Variants in ZEB1 observed in about 807,000 individuals in gnomAD.
The protein encoded by ZEB1 is zinc finger E-box-binding homeobox 1.
A neutral mutation model predicts 84.9 loss-of-function variants in ZEB1; 21 were observed. The observed-to-expected ratio is 0.25, with a 90% CI of 0.18 to 0.36. ZEB1 has a LOEUF of 0.36. ZEB1 is among the 10% of genes least tolerant of loss of function. The pLI is 1.00. For synonymous variants in ZEB1, 420 were observed against 471.1 expected, an observed-to-expected ratio of 0.89 and a Z score of 1.41; for missense variants, 1,104 against 1,330.2, an observed-to-expected ratio of 0.83 and a Z score of 2.65.
At chr10:31,337,771 C>A (rs950454780) in intron 1 of ZEB1, among the ~76,000 whole-genome samples, 1 of 150,034 alleles carries the variant, frequency 6.7e-6, no homozygotes, top group Admixed American at 6.6e-5. Context: ...CTGCTGCCTC[C>A]GTCTCCCCGG....
At chr10:31,359,692 A>T (rs1011898191) in intron 1 of ZEB1, among the ~76,000 whole-genome samples, 2 of 152,226 alleles carry the variant, frequency 1.3e-5, no homozygotes, top group African/African-American at 2.4e-5. Flanking sequence ...ATGATACCAT[A>T]GATACTTCCT....
chr10:31,365,865 T>C (rs1452195045), intron 1 of ZEB1, among the ~76,000 whole-genome samples: 1 of 152,242 alleles, frequency 6.6e-6, no homozygotes, highest in African/African-American at 2.4e-5. Context: ...ATTTGTATGC[T>C]CTACTGAATA....
chr10:31,363,042 C>A (rs769030135), intron 1 of ZEB1: 8 of 1,533,592 alleles, frequency 5.2e-6, no homozygotes, highest in South Asian at 1.2e-5. Flanking sequence ...GGGGAGGGGT[C>A]GGTTGCAGCT....
chr10:31,448,855 G>C (rs1259753502), intron 1 of ZEB1, among the ~76,000 whole-genome samples: 2 of 152,188 alleles, frequency 1.3e-5, no homozygotes, highest in African/African-American at 2.4e-5. Flanking sequence ...AGAGGTTACT[G>C]CTGTCTTTTT....
intron 1 of ZEB1, among the ~76,000 whole-genome samples, chr10:31,440,233 A>G (rs2058760497): frequency 6.6e-6 from 1 of 152,214 alleles, no homozygotes; most frequent in South Asian, 2.1e-4. Flanking sequence ...CTGAGAGACC[A>G]GGAATTGTAT....
chr10:31,383,791 A>T (rs926869646), intron 1 of ZEB1, among the ~76,000 whole-genome samples: 2 of 152,124 alleles, frequency 1.3e-5, no homozygotes, highest in Admixed American at 1.3e-4. Flanking sequence ...CAAAAGTTCT[A>T]TTGTACAGTG....
intron 1 of ZEB1, among the ~76,000 whole-genome samples, chr10:31,400,660 A>G (rs967436981): frequency 3.3e-5 from 5 of 152,142 alleles, no homozygotes; most frequent in African/African-American, 1.2e-4. Flanking sequence ...AATAATTTAA[A>G]TTTCCAGAAG....
chr10:31,424,344 G>A (rs941852161), intron 1 of ZEB1, among the ~76,000 whole-genome samples: 4 of 151,858 alleles, frequency 2.6e-5, no homozygotes, highest in Non-Finnish European at 4.4e-5. Context: ...ATAATGCCCA[G>A]AGGCTTAGTA....
chr10:31,520,309 G>T lies in ZEB1; in HGVS notation c.977G>T (p.Arg326Leu). ...SLSASPGSPTRPQIRQKIENK... is the reference protein window; with the variant it reads ...SLSASPGSPTLPQIRQKIENK... ...TCAGCATCACCAGGCAGTCCCACACGACCACAGATACGGCAAAAGATAGAG... is the reference window on the plus strand; with the variant it reads ...TCAGCATCACCAGGCAGTCCCACACTACCACAGATACGGCAAAAGATAGAG... Residue 326 changes from arginine to leucine, a missense_variant, in exon 7 of 9, where the codon CGA becomes CTA. Arg to Leu is a moderately radical substitution (Grantham distance 102). Transcript: ENST00000424869. This position sits in a 1 kb window ranked among gnomAD's most constrained non-coding sequence, Gnocchi z 5.1. 6.2e-7 allele frequency: 1 copy of T among 1,613,842 alleles called. No homozygotes were observed. The highest frequency in any genetic ancestry group is 8.5e-7 in the Non-Finnish European group (1 of 1,179,908).
At chr10:31,365,354 G>A (rs2044254330) in intron 1 of ZEB1, among the ~76,000 whole-genome samples, 1 of 152,138 alleles carries the variant, frequency 6.6e-6, no homozygotes, top group Non-Finnish European at 1.5e-5. Context: ...ACTCTTGGGT[G>A]TCTGGACTAG....
intron 1 of ZEB1, chr10:31,319,833 G>T (rs553370315): frequency 2.7e-4 from 40 of 148,832 alleles, no homozygotes; most frequent in Admixed American, 2.1e-3. Context: ...GCCCCGGCCG[G>T]CGCCGTCGCT....
chr10:31,485,715 A>T (rs896600267), intron 2 of ZEB1, among the ~76,000 whole-genome samples: 1 of 151,762 alleles, frequency 6.6e-6, no homozygotes. Flanking sequence ...ACCTCAGGAA[A>T]TATTTTTTTA....
chr10:31,524,144 C>T (rs2072929197), intron 8 of ZEB1, 31 bp downstream of exon 8: 1 of 1,601,702 alleles, frequency 6.2e-7, no homozygotes, highest in African/African-American at 1.3e-5. Context: ...ATAAAGTGTC[C>T]ATGATATGAT....
chr10:31,318,577 T>A (rs971717694), upstream of ZEB1: 1 of 152,566 alleles, frequency 6.6e-6, no homozygotes, highest in African/African-American at 2.4e-5. Flanking sequence ...GCTGCGCGGG[T>A]CAGGTAGCCT....
At chr10:31,472,147 A>G (rs1293866315) in intron 2 of ZEB1, among the ~76,000 whole-genome samples, 1 of 151,464 alleles carries the variant, frequency 6.6e-6, no homozygotes, top group African/African-American at 2.4e-5. Flanking sequence ...TCACAATTAA[A>G]AGAACTAGAA....
intron 1 of ZEB1, among the ~76,000 whole-genome samples, chr10:31,433,020 G>T (rs568482950): frequency 6.7e-6 from 1 of 148,574 alleles, no homozygotes; most frequent in South Asian, 2.1e-4. Flanking sequence ...GATAATTGTG[G>T]ATATTCTTTG....
intron 1 of ZEB1, among the ~76,000 whole-genome samples, chr10:31,340,061 A>G (rs879297016): frequency 2.0e-5 from 3 of 152,186 alleles, no homozygotes; most frequent in Non-Finnish European, 4.4e-5. Flanking sequence ...AGTGAGAAAT[A>G]TTTCTTGATT....
intron 1 of ZEB1, among the ~76,000 whole-genome samples, chr10:31,397,159 T>TTATTA (rs2050905429): frequency 7.8e-6 from 1 of 128,362 alleles, no homozygotes; most frequent in African/African-American, 3.0e-5. Context: ...TCTTGGGTTT[T>TTATTA]TTATTATTAT....
chr10:31,325,784 A>C (rs1307105232), intron 1 of ZEB1, among the ~76,000 whole-genome samples: 1 of 151,882 alleles, frequency 6.6e-6, no homozygotes, highest in Non-Finnish European at 1.5e-5. Flanking sequence ...AAATATTCTA[A>C]TTTTAAATGT....
Sources: allele counts gnomAD v4.1 joint callset (sites outside exome capture counted in the v4.1 genomes callset), GRCh38; gene constraint gnomAD v4.1.1; non-coding constraint Gnocchi (gnomAD v3.1); transcripts MANE v1.5; gene names NCBI Gene and HGNC (gene_info 2026-07-23, HGNC 2026-07-21).